CSPG5: variants seen among roughly 807,000 people sequenced by gnomAD.
The protein encoded by CSPG5 is chondroitin sulfate proteoglycan 5, also known as acidic leucine-rich EGF-like domain-containing brain protein.
A neutral mutation model predicts 39.8 loss-of-function variants in CSPG5; 25 were observed. The ratio of observed to expected loss-of-function variants is 0.63; its 90% CI spans 0.46 to 0.88. The LOEUF (loss-of-function observed/expected upper bound fraction) is 0.88. CSPG5 is among the 40% of genes least tolerant of loss of function. The pLI is 0.00. For missense variants in CSPG5, 627 were observed against 702.2 expected (o/e 0.89, Z 1.21); for synonymous variants, 295 against 303.9 (o/e 0.97, Z 0.31).
In CSPG5 at chr3:47,577,951, C is replaced by CG. The variant is rs1338641645; in HGVS notation, c.98-24dup. 3 of 1,395,784 alleles carry CG rather than the reference C, an allele frequency of 2.1e-6. No individual in the cohort carries two copies. The East Asian group carries it at 8.6e-5, about 40-fold the overall frequency. The allele number at this position is 1,395,784 out of a possible 1,614,324, so 86.5% of individuals were successfully genotyped here. On this transcript the variant is annotated intron_variant, in intron 1 of 4. Coordinates refer to ENST00000264723, the MANE Select transcript of CSPG5 (RefSeq NM_006574.4). The surrounding 1 kb of genome is among the most constrained non-coding windows in gnomAD (Gnocchi z 4.7). Reference sequence around the variant, plus strand: ...GCGCTGCGGGCGGGAGGGCAAGGGGCGGGACGTCAGGGCGGCGCGCTGAGG... The same window carrying CG: ...GCGCTGCGGGCGGGAGGGCAAGGGGCGGGGACGTCAGGGCGGCGCGCTGAGG...
chr3:47,573,834 C>T (rs569110233), intron 2 of CSPG5, among the ~76,000 whole-genome samples: 5 of 152,272 alleles, frequency 3.3e-5, no homozygotes, highest in South Asian at 4.1e-4. Context: ...GAGCCTCTGC[C>T]GTCATGGGGA....
chr3:47,567,592 T>C (rs186787301), intron 4 of CSPG5, among the ~76,000 whole-genome samples: 172 of 152,368 alleles, frequency 1.1e-3, no homozygotes, highest in African/African-American at 3.8e-3. Context: ...TCATTTCATA[T>C]TTAAATTCAC....
intron 2 of CSPG5, among the ~76,000 whole-genome samples, chr3:47,576,354 A>C (rs1310168283): frequency 1.3e-5 from 2 of 152,146 alleles, no homozygotes; most frequent in African/African-American, 4.8e-5. Flanking sequence ...CATTTTACCA[A>C]GTAATTCTGT....
At chr3:47,562,827 G>C in intron 4 of CSPG5, 66 bp from the exon 5 acceptor site, 1 of 1,433,512 alleles carries the variant, frequency 7.0e-7, no homozygotes. Context: ...TAATATCAGC[G>C]TTTTCTATCT....
chr3:47,568,061 C>G (rs2031381327), intron 4 of CSPG5, among the ~76,000 whole-genome samples: 1 of 152,170 alleles, frequency 6.6e-6, no homozygotes, highest in African/African-American at 2.4e-5. Flanking sequence ...TTCCACTGGA[C>G]CGTATTGGTC....
intron 2 of CSPG5, 104 bp downstream of exon 2, chr3:47,576,729 G>C: frequency 7.6e-7 from 1 of 1,313,924 alleles, no homozygotes; most frequent in Non-Finnish European, 1.0e-6. Flanking sequence ...CAAAGTGCTG[G>C]GATTACAGGC....
intron 3 of CSPG5, among the ~76,000 whole-genome samples, chr3:47,570,514 C>CTT (rs71281899): frequency 3.6e-4 from 53 of 145,404 alleles, no homozygotes; most frequent in Admixed American, 1.5e-3. Flanking sequence ...TCACCTAGAG[C>CTT]TTTTTTTTTT....
At chr3:47,567,306 T>G (rs531854902) in intron 4 of CSPG5, among the ~76,000 whole-genome samples, 71 of 152,276 alleles carry the variant, frequency 4.7e-4, no homozygotes, top group African/African-American at 1.6e-3. Flanking sequence ...AGAGCCCCCA[T>G]AGCCCACCAT....
chr3:47,574,611 T>A (rs971337439), intron 2 of CSPG5, among the ~76,000 whole-genome samples: 1 of 152,200 alleles, frequency 6.6e-6, no homozygotes, highest in Non-Finnish European at 1.5e-5. Context: ...TGTGGTCACA[T>A]CCTATGAGTG....
chr3:47,565,765 A>G (rs769357093), intron 4 of CSPG5, among the ~76,000 whole-genome samples: 2 of 151,982 alleles, frequency 1.3e-5, no homozygotes, highest in African/African-American at 2.4e-5. Context: ...AAATCTTAGC[A>G]CAACCCAAGT....
intron 2 of CSPG5, among the ~76,000 whole-genome samples, chr3:47,575,189 G>A (rs1168135768): frequency 6.6e-6 from 1 of 152,238 alleles, no homozygotes; most frequent in Non-Finnish European, 1.5e-5. Context: ...ACTTTGAGAG[G>A]CTGAGGTGGG....
chr3:47,572,828 A>G lies in CSPG5; in HGVS notation c.1240T>C (p.Ser414Pro), dbSNP rs2031575443. The part of the protein sequence containing the change: ...YIWHKGMRCE[S>P]IITDFQVMCV... Reference sequence around the variant, plus strand: ...ATCACCTGGAAGTCGGTGATGATGGACTCGCAGCGCATCCCCTTGTGCCAG... The same window carrying G: ...ATCACCTGGAAGTCGGTGATGATGGGCTCGCAGCGCATCCCCTTGTGCCAG... Residue 414 changes from serine (S) to proline (P), a missense_variant, in exon 3 of 5, where the codon TCC (serine) becomes CCC (proline). By Grantham distance (74) the Ser-to-Pro change is moderately conservative. Transcript: ENST00000264723. The surrounding 1 kb of genome is among the most constrained non-coding windows in gnomAD (Gnocchi z 4.5). 2 of 1,613,832 alleles carry G rather than the reference A, an allele frequency of 1.2e-6. No homozygotes were observed. Among genetic ancestry groups the G allele is most frequent in the Non-Finnish European group, 8.5e-7 (1 of 1,179,914 alleles).
At chr3:47,564,115 G>T (rs1422491678) in intron 4 of CSPG5, among the ~76,000 whole-genome samples, 1 of 152,204 alleles carries the variant, frequency 6.6e-6, no homozygotes, top group Non-Finnish European at 1.5e-5. Flanking sequence ...TGACAAGAAG[G>T]TAGAGAGTGT....
chr3:47,569,032 A>G (rs2031418279), intron 4 of CSPG5, 120 bp downstream of exon 4: 21 of 1,439,642 alleles, frequency 1.5e-5, no homozygotes, highest in Non-Finnish European at 1.9e-5. Context: ...CAGGGGCCAA[A>G]GCATGCATAA....
intron 4 of CSPG5, chr3:47,568,942 C>T: frequency 1.4e-6 from 1 of 708,468 alleles, no homozygotes; most frequent in South Asian, 3.2e-5. Flanking sequence ...CCCACCTTTG[C>T]TGCCCAACTC....
Position 47,577,612 on chromosome 3 carries a change from G to A in CSPG5, c.414C>T (p.Ile138=). Residue 138 remains isoleucine (I), a synonymous_variant, in exon 2 of 5, where the codon ATC becomes ATT. Transcript: ENST00000264723. This position sits in a 1 kb window ranked among gnomAD's most constrained non-coding sequence, Gnocchi z 4.7. ...TAGCCTCAGGAATGGCAGGGGGCAT[G>A]ATTGACTGCCCGAGGACCTCGTGGG... is the stretch of plus-strand genomic sequence containing the variant. ...QAPHEVLGQS[I]MPPAIPEATE... is the part of the protein sequence containing the mutation. 6.2e-7 allele frequency: 1 copy of A among 1,611,220 alleles called. No homozygotes were observed. The highest frequency in any genetic ancestry group is 1.1e-5 in the South Asian group (1 of 90,976).
At position 47,577,359 on chromosome 3, in the gene CSPG5, C is replaced by A. The variant is rs778383749; in HGVS notation, c.667G>T (p.Ala223Ser). 1.2e-5 allele frequency: 20 copies of A among 1,613,928 alleles called. No homozygotes were observed. Among genetic ancestry groups the A allele is most frequent in the Non-Finnish European group, 1.7e-5 (20 of 1,179,952 alleles). Residue 223 changes from alanine (A) to serine (S), a missense_variant, in exon 2 of 5, where the codon GCA becomes TCA. Transcript: ENST00000264723. The surrounding 1 kb of genome is among the most constrained non-coding windows in gnomAD (Gnocchi z 4.7). ...GACCCTGGGAAGCTCCCCAGATCTG[C>A]GCCACGACCCTCACCATCCAGTCCT... ...FEGLDGEGRG[A>S]DLGSFPGSPG...
Position 47,572,634 on chromosome 3 carries a change from G to T in CSPG5, c.1382+52C>A. ...CAGTTGGAGGGGTGCAGCAGCGTCG[G>T]GGGGCCTCCCACACCCTGACCTGGG... On this transcript the variant is annotated intron_variant, in intron 3 of 4. Transcript: ENST00000264723. The surrounding 1 kb of genome is among the most constrained non-coding windows in gnomAD (Gnocchi z 4.5). The T allele has an allele frequency of 6.6e-7, 1 of 1,522,532 alleles. No individual in the cohort carries two copies. The highest frequency in any genetic ancestry group is 1.1e-5 in the South Asian group (1 of 87,416). 94.3% of individuals were successfully genotyped at this position (1,522,532 alleles called of 1,614,324 possible).
chr3:47,566,327 G>T (rs1331429765), intron 4 of CSPG5, among the ~76,000 whole-genome samples: 1 of 152,158 alleles, frequency 6.6e-6, no homozygotes, highest in Non-Finnish European at 1.5e-5. Flanking sequence ...GCGCCCCCTT[G>T]TCTCTCCTCC....
Sources: allele counts gnomAD v4.1 joint callset (sites outside exome capture counted in the v4.1 genomes callset), GRCh38; gene constraint gnomAD v4.1.1; non-coding constraint Gnocchi (gnomAD v3.1); transcripts MANE v1.5; gene names NCBI Gene and HGNC (gene_info 2026-07-23, HGNC 2026-07-21).